The following UHRF1 variants were observed in gnomAD, a reference collection of about 807,000 sequenced individuals.
UHRF1 encodes ubiquitin like with PHD and ring finger domains 1, also known as E3 ubiquitin-protein ligase UHRF1.
In UHRF1, 9 loss-of-function variants were observed where a neutral mutation model predicts 96.5. The observed-to-expected ratio is 0.09, with a 90% CI of 0.06 to 0.16. The LOEUF (loss-of-function observed/expected upper bound fraction) is 0.16. UHRF1 is among the 10% of genes least tolerant of loss of function. The pLI is 1.00. For missense variants in UHRF1, 626 were observed against 1,131.1 expected (o/e 0.55, Z 6.40); for synonymous variants, 455 against 469.9 (o/e 0.97, Z 0.41).
At chr19:4,948,057 T>G (rs79174441) in intron 11 of UHRF1, among the ~76,000 whole-genome samples, 1 of 146,954 alleles carries the variant, frequency 6.8e-6, no homozygotes, top group African/African-American at 2.5e-5. Flanking sequence ...TGGGCTGAGA[T>G]TGCACCACTG....
At chr19:4,953,360 A>G (rs2033769618) in intron 13 of UHRF1, among the ~76,000 whole-genome samples, 1 of 152,156 alleles carries the variant, frequency 6.6e-6, no homozygotes, top group Admixed American at 6.5e-5. Context: ...ATTAAGTTTA[A>G]TCTATAAATT....
chr19:4,930,683 G>A lies in UHRF1; in HGVS notation c.409-33G>A, dbSNP rs756579345. Reference sequence around the variant, plus strand: ...GTCTCCCGTCAGTTTTCCTCACCCCGTTGGGATGCCAGACTTCCCTCATTC... The same window carrying A: ...GTCTCCCGTCAGTTTTCCTCACCCCATTGGGATGCCAGACTTCCCTCATTC... On this transcript the variant is annotated intron_variant, in intron 3 of 16. Transcript: ENST00000650932. The surrounding 1 kb of genome is among the most constrained non-coding windows in gnomAD (Gnocchi z 4.4). The A allele has an allele frequency of 4.4e-6, 7 of 1,607,152 alleles. No homozygotes were observed. Among genetic ancestry groups the A allele is most frequent in the South Asian group, 1.1e-5 (1 of 90,274 alleles).
At chr19:4,948,473 A>G (rs1385982740) in intron 11 of UHRF1, among the ~76,000 whole-genome samples, 1 of 152,198 alleles carries the variant, frequency 6.6e-6, no homozygotes, top group Non-Finnish European at 1.5e-5. Context: ...TAGTGTCTTT[A>G]TCATATAAAG....
intron 5 of UHRF1, 84 bp downstream of exon 5, chr19:4,933,040 G>T: frequency 7.0e-7 from 1 of 1,436,390 alleles, no homozygotes; most frequent in Non-Finnish European, 9.4e-7. Context: ...AAGCCGTCCA[G>T]CCAGCGCTGT....
intron 13 of UHRF1, among the ~76,000 whole-genome samples, chr19:4,951,681 C>T (rs2033720276): frequency 7.0e-6 from 1 of 142,866 alleles, no homozygotes; most frequent in Admixed American, 7.4e-5. Flanking sequence ...TCTGTTTTCA[C>T]TTCTTGGCTC....
intron 2 of UHRF1, among the ~76,000 whole-genome samples, chr19:4,927,257 A>T (rs1397683052): frequency 6.6e-6 from 1 of 151,280 alleles, no homozygotes; most frequent in Non-Finnish European, 1.5e-5. Context: ...GCTCATGCCT[A>T]TAGTCCCAAG....
At chr19:4,951,989 T>C (rs149112822) in intron 13 of UHRF1, among the ~76,000 whole-genome samples, 14 of 152,342 alleles carry the variant, frequency 9.2e-5, no homozygotes, top group African/African-American at 3.4e-4. Flanking sequence ...ACTCAGGTTG[T>C]CTTTTGAATG....
chr19:4,939,865 A>T (rs1036882400), intron 5 of UHRF1, among the ~76,000 whole-genome samples: 1 of 152,250 alleles, frequency 6.6e-6, no homozygotes. Context: ...TCTACTAAAA[A>T]TACAAAAAAT....
chr19:4,943,640 C>A (rs1313150548), intron 7 of UHRF1, among the ~76,000 whole-genome samples: 1 of 151,864 alleles, frequency 6.6e-6, no homozygotes, highest in Non-Finnish European at 1.5e-5. Context: ...CGTGGAAGGC[C>A]AACAGAGAAC....
chr19:4,922,896 T>C (rs1217459067), intron 2 of UHRF1, among the ~76,000 whole-genome samples: 1 of 152,192 alleles, frequency 6.6e-6, no homozygotes, highest in Admixed American at 6.5e-5. Context: ...AGGGTGCTTC[T>C]ATCCACCTCA....
At chr19:4,948,439 A>C (rs1328571618) in intron 11 of UHRF1, among the ~76,000 whole-genome samples, 1 of 152,200 alleles carries the variant, frequency 6.6e-6, no homozygotes, top group Non-Finnish European at 1.5e-5. Flanking sequence ...GACTAGGAGG[A>C]GTTCTTGACA....
chr19:4,909,542 C>A lies in UHRF1; in HGVS notation c.-124C>A. ...CGGCGGGCAGCGTTTGCCGAGCGGGCGCTCCGGGTCGCACGCAAGTCCGCG... is the reference window on the plus strand; with the variant it reads ...CGGCGGGCAGCGTTTGCCGAGCGGGAGCTCCGGGTCGCACGCAAGTCCGCG... On this transcript the variant is annotated 5_prime_UTR_variant, in exon 1 of 17. Transcript: ENST00000650932. The A allele has an allele frequency of 1.5e-6, 1 of 658,520 alleles. No homozygotes were observed. Among genetic ancestry groups the A allele is most frequent in the Non-Finnish European group, 2.7e-6 (1 of 365,668 alleles). 40.8% of individuals were successfully genotyped at this position (658,520 alleles called of 1,614,324 possible).
In UHRF1 at chr19:4,915,627, T is replaced by C. The variant is rs2032467327; in HGVS notation, c.153+4589T>C. Among the ~76,000 whole-genome samples, 5 of 151,964 alleles carry C rather than the reference T, an allele frequency of 3.3e-5. No individual in the cohort carries two copies. The South Asian group carries it at 1.0e-3, about 32-fold the overall frequency. On this transcript the variant is annotated intron_variant, in intron 2 of 16. Coordinates refer to ENST00000650932, the MANE Select transcript of UHRF1 (RefSeq NM_001048201.3). Reference sequence around the variant, plus strand: ...AGGAGGCTGAGGCAGGAGAATCGCTTGAACCTGGGAGGTGGGAGGTTGCAG... The same window carrying C: ...AGGAGGCTGAGGCAGGAGAATCGCTCGAACCTGGGAGGTGGGAGGTTGCAG...
At chr19:4,941,410 A>T in intron 5 of UHRF1, 118 bp from the exon 6 acceptor site, 1 of 717,506 alleles carries the variant, frequency 1.4e-6, no homozygotes, top group Non-Finnish European at 2.4e-6. Flanking sequence ...TTTGATTGCT[A>T]GGGGGCGTAG....
intron 2 of UHRF1, among the ~76,000 whole-genome samples, chr19:4,911,464 G>A (rs983328371): frequency 1.3e-5 from 2 of 152,094 alleles, no homozygotes; most frequent in Non-Finnish European, 2.9e-5. Flanking sequence ...AGCCTGTACC[G>A]GTTAAGCATC....
At chr19:4,935,155 A>G (rs551222913) in intron 5 of UHRF1, among the ~76,000 whole-genome samples, 1 of 151,950 alleles carries the variant, frequency 6.6e-6, no homozygotes, top group African/African-American at 2.4e-5. Flanking sequence ...TTTAGTGGAG[A>G]CAGAGTTTCA....
At chr19:4,950,560 T>G (rs892649487) in intron 11 of UHRF1, 51 bp from the exon 12 acceptor site, 36 of 1,567,662 alleles carry the variant, frequency 2.3e-5, no homozygotes, top group Non-Finnish European at 3.1e-5. Context: ...TTTCCTTTTT[T>G]GGGGGGTACA....
chr19:4,934,759 G>A (rs2033167820), intron 5 of UHRF1, among the ~76,000 whole-genome samples: 1 of 152,140 alleles, frequency 6.6e-6, no homozygotes, highest in Non-Finnish European at 1.5e-5. Context: ...CATTTATGGT[G>A]CATCTGTGGC....
chr19:4,928,974 G>GTGCTTCCTGCA (rs1259837335), intron 2 of UHRF1, among the ~76,000 whole-genome samples: 1 of 152,192 alleles, frequency 6.6e-6, no homozygotes, highest in Non-Finnish European at 1.5e-5. Flanking sequence ...GTGCTTCTGG[G>GTGCTTCCTGCA]TGCTTCCTGC....
Sources: gnomAD v4.1 joint callset for allele counts (sites outside exome capture counted in the v4.1 genomes callset) on GRCh38, gnomAD v4.1.1 for gene constraint, Gnocchi (gnomAD v3.1) non-coding constraint, MANE v1.5 for transcripts, NCBI Gene and HGNC (gene_info 2026-07-23, HGNC 2026-07-21) for gene names.